PI4KA: variants seen among roughly 807,000 people sequenced by gnomAD.
PI4KA encodes phosphatidylinositol 4-kinase alpha.
PI4KA carries 122 observed loss-of-function variants against 271.4 expected under a neutral mutation model. That is an observed-to-expected ratio of 0.45 (90% confidence interval 0.39 to 0.52). PI4KA has a LOEUF of 0.52. PI4KA is among the 20% of genes least tolerant of loss of function. PI4KA has a pLI of 0.00. For missense variants in PI4KA, 1,969 were observed against 2,769.1 expected (o/e 0.71, Z 6.48); for synonymous variants, 1,041 against 1,078.8 (o/e 0.96, Z 0.69).
intron 6 of PI4KA, 46 bp from the exon 7 acceptor site, chr22:20,818,595 C>A: frequency 7.1e-7 from 1 of 1,412,816 alleles, no homozygotes; most frequent in Non-Finnish European, 9.5e-7. Context: ...ACCAGTGAGA[C>A]CTCCATCAGA....
chr22:20,825,736 A>G (rs1355727101), intron 3 of PI4KA, among the ~76,000 whole-genome samples: 2 of 152,212 alleles, frequency 1.3e-5, no homozygotes, highest in East Asian at 1.9e-4. Context: ...AATGTTTTTT[A>G]ATTTTTATTT....
chr22:20,823,289 A>C (rs1171677690), intron 4 of PI4KA, among the ~76,000 whole-genome samples: 2 of 40,926 alleles, frequency 4.9e-5, no homozygotes, highest in Non-Finnish European at 9.8e-5. Flanking sequence ...AATTTTATTC[A>C]TAGAAAAAAG....
At chr22:20,777,243 T>A (rs1199892525) in intron 19 of PI4KA, among the ~76,000 whole-genome samples, 4 of 149,812 alleles carry the variant, frequency 2.7e-5, no homozygotes, top group Non-Finnish European at 5.9e-5. Flanking sequence ...TGAGACGGAG[T>A]TTCGCTCTTT....
intron 30 of PI4KA, among the ~76,000 whole-genome samples, chr22:20,744,312 T>G (rs1929813502): frequency 6.6e-6 from 1 of 152,156 alleles, no homozygotes; most frequent in African/African-American, 2.4e-5. Flanking sequence ...ACATACATCT[T>G]ACCGAGTGCC....
In PI4KA at chr22:20,752,920, T is replaced by C. The variant is rs146858855; in HGVS notation, c.2970A>G (p.Leu990=). 1.3e-4 allele frequency: 204 copies of C among 1,613,990 alleles called. No homozygotes were observed. Among genetic ancestry groups the C allele is most frequent in the Non-Finnish European group, 8.2e-5 (97 of 1,179,806 alleles). The part of the protein sequence containing the change: ...KRIRRVADKY[L]SGLVDKFPHL... ...GAGCTTACTTATCCACCAGACCAGA[T>C]AGATACTTGTCTGCCACCCTCCTTA... The change falls in exon 25 of 55, where the codon CTA becomes CTG. Residue 990 remains leucine, a synonymous_variant. Transcript: ENST00000255882.
Position 20,753,178 on chromosome 22 carries a change from T to C in PI4KA, c.2794A>G (p.Met932Val). 6.2e-7 allele frequency: 1 copy of C among 1,612,558 alleles called. No individual in the cohort carries two copies. Among genetic ancestry groups the C allele is most frequent in the Non-Finnish European group, 8.5e-7 (1 of 1,179,832 alleles). The change falls in exon 24 of 55, where the codon ATG becomes GTG. Residue 932 changes from methionine (M) to valine (V), a missense_variant and splice_region_variant. Met to Val is a conservative substitution (Grantham distance 21). This residue lies in a region of PI4KA where 368 missense variants were observed against 544.3 expected (regional missense o/e 0.68). Transcript: ENST00000255882. ...DKAIQKDKSG[M>V]MQCVIAVADK... ...GCGACTGCAATCACACACTGCATCA[T>C]CCCTGAAACGAGAAGGTTTCCATGG...
chr22:20,713,852 T>C (rs1305273480), intron 47 of PI4KA, among the ~76,000 whole-genome samples: 7 of 152,216 alleles, frequency 4.6e-5, no homozygotes, highest in Non-Finnish European at 7.3e-5. Flanking sequence ...CTCCCTAAAA[T>C]TCATGTTCAC....
In PI4KA at chr22:20,752,907, C is replaced by T. The variant is rs771454034; in HGVS notation, c.2983G>A (p.Asp995Asn). The change falls in exon 25 of 55, where the codon GAT becomes AAT. Residue 995 changes from aspartate (D) to asparagine (N), a missense_variant. By Grantham distance (23) the Asp-to-Asn change is conservative (BLOSUM62 1). This residue lies in a region of PI4KA where 368 missense variants were observed against 544.3 expected (regional missense o/e 0.68). Coordinates refer to ENST00000255882, the MANE Select transcript of PI4KA (RefSeq NM_058004.4). ...VADKYLSGLV[D>N]KFPHLLWSGT... ...TTAGCAGGAAAATGAGCTTACTTATCCACCAGACCAGATAGATACTTGTCT... is the reference window on the plus strand; with the variant it reads ...TTAGCAGGAAAATGAGCTTACTTATTCACCAGACCAGATAGATACTTGTCT... 10 of 1,613,828 alleles carry T rather than the reference C, an allele frequency of 6.2e-6. No homozygotes were observed. The Admixed American group carries it at 1.7e-4, about 27-fold the overall frequency.
intron 19 of PI4KA, chr22:20,779,505 G>T: frequency 6.8e-6 from 11 of 1,614,074 alleles, no homozygotes; most frequent in Non-Finnish European, 9.3e-6. Flanking sequence ...GGAAAACACC[G>T]TCACCAACGA....
intron 1 of PI4KA, among the ~76,000 whole-genome samples, chr22:20,845,412 T>C (rs946635353): frequency 6.6e-6 from 1 of 152,334 alleles, no homozygotes; most frequent in Admixed American, 6.5e-5. Flanking sequence ...AGAGTACTAC[T>C]TGTTATTTAA....
chr22:20,723,674 T>C (rs1945386484), intron 42 of PI4KA, among the ~76,000 whole-genome samples: 1 of 151,730 alleles, frequency 6.6e-6, no homozygotes, highest in Non-Finnish European at 1.5e-5. Flanking sequence ...CTATTAAAAA[T>C]ATAAAAATTA....
intron 1 of PI4KA, among the ~76,000 whole-genome samples, chr22:20,851,187 C>T (rs1926923418): frequency 1.0e-5 from 1 of 98,662 alleles, no homozygotes; most frequent in African/African-American, 6.5e-5. Context: ...CAGTGAGACC[C>T]TATCTATTTT....
rs117318793 is a variant in PI4KA at position 20,750,382 on chromosome 22, C to A, written c.3154-388G>T. 5.9e-3 allele frequency among the ~76,000 whole-genome samples: 892 copies of A among 152,334 alleles called. 8 individuals are homozygous for A. The highest frequency in any genetic ancestry group is 0.055 in the East Asian group (284 of 5,178). On this transcript the variant is annotated intron_variant, in intron 27 of 54. Coordinates refer to ENST00000255882, the MANE Select transcript of PI4KA (RefSeq NM_058004.4). ...GCTCTGCCAACACTTTGATTTTACACTTCGGCCCTCAGAACTGTAAGACAA... is the reference window on the plus strand; with the variant it reads ...GCTCTGCCAACACTTTGATTTTACAATTCGGCCCTCAGAACTGTAAGACAA...
At chr22:20,818,381 G>A in intron 7 of PI4KA, 102 bp downstream of exon 7, 1 of 797,602 alleles carries the variant, frequency 1.3e-6, no homozygotes, top group Non-Finnish European at 2.0e-6. Flanking sequence ...GTCCATCCAT[G>A]ACAACAGAGT....
At chr22:20,770,929 C>T (rs542168715) in intron 19 of PI4KA, among the ~76,000 whole-genome samples, 69 of 152,218 alleles carry the variant, frequency 4.5e-4, no homozygotes, top group African/African-American at 1.5e-3. Flanking sequence ...CCTGTCTTCC[C>T]AGCTCTTTGG....
intron 23 of PI4KA, among the ~76,000 whole-genome samples, chr22:20,753,835 C>T (rs1414126894): frequency 1.3e-5 from 2 of 152,092 alleles, no homozygotes; most frequent in African/African-American, 2.4e-5. Flanking sequence ...TACAGGTGCC[C>T]ACCACCACGC....
intron 1 of PI4KA, among the ~76,000 whole-genome samples, chr22:20,847,732 G>A (rs1443045190): frequency 6.8e-6 from 1 of 147,590 alleles, no homozygotes; most frequent in Non-Finnish European, 1.5e-5. Context: ...TCTCCAGCCT[G>A]AGTGATAGTG....
In PI4KA at chr22:20,756,640, T is replaced by C. The variant is rs182393898; in HGVS notation, c.2792-3460A>G. 4.6e-3 allele frequency among the ~76,000 whole-genome samples: 608 copies of C among 131,316 alleles called. 8 individuals are homozygous for C. Among genetic ancestry groups the C allele is most frequent in the African/African-American group, 0.016 (583 of 35,928 alleles). 86.1% of individuals were successfully genotyped at this position (131,316 alleles called of 152,430 possible). On this transcript the variant is annotated intron_variant, in intron 23 of 54. Transcript: ENST00000255882. ...AGCATCTAAGGAGATTAAAAAAAAT[T>C]TTTTTTTTGAGACGTAGTCTTGCTC...
At chr22:20,768,457 T>C (rs577522341) in intron 19 of PI4KA, among the ~76,000 whole-genome samples, 1 of 152,230 alleles carries the variant, frequency 6.6e-6, no homozygotes, top group African/African-American at 2.4e-5. Flanking sequence ...GTATAAATAA[T>C]ATGATATAGA....
Sources: gnomAD v4.1 joint callset for allele counts (sites outside exome capture counted in the v4.1 genomes callset) on GRCh38, gnomAD v4.1.1 for gene constraint, gnomAD v4.1.1 regional missense constraint, MANE v1.5 for transcripts, NCBI Gene and HGNC (gene_info 2026-07-23, HGNC 2026-07-21) for gene names.